FAM135A: variants seen among roughly 807,000 people sequenced by gnomAD.
FAM135A encodes the protein protein FAM135A.
FAM135A carries 79 observed loss-of-function variants against 146.8 expected under a neutral mutation model. The ratio of observed to expected loss-of-function variants is 0.54; its 90% CI spans 0.45 to 0.65. The LOEUF is 0.65. FAM135A is among the 30% of genes least tolerant of loss of function. FAM135A has a pLI of 0.00. For missense variants in FAM135A, 1,623 were observed against 1,758.2 expected (o/e 0.92, Z 1.38); for synonymous variants, 562 against 603.6 (o/e 0.93, Z 1.01).
chr6:70,453,172 A>G (rs1369765156), intron 5 of FAM135A, among the ~76,000 whole-genome samples: 4 of 152,180 alleles, frequency 2.6e-5, no homozygotes, highest in African/African-American at 9.7e-5. Context: ...TTCATTACAT[A>G]TAGTTAGAAA....
At chr6:70,557,773 A>C (rs1801178107) in intron 21 of FAM135A, 1 of 149,114 alleles carries the variant, frequency 6.7e-6, no homozygotes, top group Non-Finnish European at 1.5e-5. Flanking sequence ...AATGAGGCTG[A>C]TTTTAAACTC....
intron 20 of FAM135A, among the ~76,000 whole-genome samples, chr6:70,540,661 C>A (rs948587849): frequency 6.6e-6 from 1 of 152,124 alleles, no homozygotes; most frequent in Non-Finnish European, 1.5e-5. Flanking sequence ...CCCTCCCGTT[C>A]ATGGTTTTAC....
At chr6:70,465,687 C>T (rs1275124189) in intron 5 of FAM135A, among the ~76,000 whole-genome samples, 1 of 152,096 alleles carries the variant, frequency 6.6e-6, no homozygotes, top group African/African-American at 2.4e-5. Context: ...TGTGGCCAGT[C>T]GTTCTATTTT....
chr6:70,436,806 A>G (rs1270917532), intron 4 of FAM135A, among the ~76,000 whole-genome samples: 2 of 152,242 alleles, frequency 1.3e-5, no homozygotes. Flanking sequence ...ATATCCCAAC[A>G]ATCTGCCATT....
intron 5 of FAM135A, among the ~76,000 whole-genome samples, chr6:70,458,787 C>T (rs1778868730): frequency 1.3e-5 from 2 of 152,080 alleles, no homozygotes; most frequent in Admixed American, 6.6e-5. Context: ...GATGCATTTC[C>T]TCCCCAGCAG....
chr6:70,478,671 C>T (rs2128169819), intron 8 of FAM135A, among the ~76,000 whole-genome samples: 1 of 151,884 alleles, frequency 6.6e-6, no homozygotes, highest in East Asian at 1.9e-4. Flanking sequence ...CCTTTTAGAG[C>T]ACCAGGCCAG....
intron 2 of FAM135A, among the ~76,000 whole-genome samples, chr6:70,416,454 AGG>A (rs1391669594): frequency 6.6e-6 from 1 of 152,144 alleles, no homozygotes; most frequent in Non-Finnish European, 1.5e-5. Context: ...AGGGCTGTTT[AGG>A]GGGTAGAAAA....
At chr6:70,469,008 T>C (rs1781042680) in intron 5 of FAM135A, among the ~76,000 whole-genome samples, 1 of 152,218 alleles carries the variant, frequency 6.6e-6, no homozygotes, top group Admixed American at 6.5e-5. Flanking sequence ...ATTGCCTGGC[T>C]TTTCTGTTTA....
chr6:70,467,751 TTC>T (rs1369807150), intron 5 of FAM135A, among the ~76,000 whole-genome samples: 1 of 152,096 alleles, frequency 6.6e-6, no homozygotes. Context: ...CTCTCATCGC[TTC>T]TCTCTTCATT....
intron 16 of FAM135A, among the ~76,000 whole-genome samples, chr6:70,529,203 A>G (rs751190801): frequency 8.6e-5 from 13 of 152,026 alleles, no homozygotes; most frequent in Non-Finnish European, 1.0e-4. Context: ...TATAAAAATT[A>G]AATTATAAAT....
intron 21 of FAM135A, 97 bp from the exon 22 acceptor site, chr6:70,559,619 G>GT: frequency 1.0e-6 from 1 of 992,338 alleles, no homozygotes; most frequent in Non-Finnish European, 1.4e-6. Flanking sequence ...TGGAAATAAT[G>GT]TAACTAAATT....
intron 12 of FAM135A, among the ~76,000 whole-genome samples, chr6:70,510,220 A>G (rs1010166944): frequency 1.1e-4 from 17 of 149,278 alleles, no homozygotes; most frequent in African/African-American, 4.0e-4. Context: ...AACATGATAT[A>G]TATAGGTAAC....
At chr6:70,522,453 A>G (rs775070622) in intron 12 of FAM135A, 60 bp from the exon 13 acceptor site, 81 of 1,465,184 alleles carry the variant, frequency 5.5e-5, no homozygotes, top group Non-Finnish European at 7.4e-5. Context: ...TTACCATAAG[A>G]TGCCGGATTG....
At chr6:70,466,442 T>C (rs925015399) in intron 5 of FAM135A, among the ~76,000 whole-genome samples, 20 of 152,182 alleles carry the variant, frequency 1.3e-4, no homozygotes, top group Non-Finnish European at 8.8e-5. Context: ...CTGTGTAAGA[T>C]AGCATAAATA....
In FAM135A at chr6:70,525,031, C is replaced by G; in HGVS notation, c.1947C>G (p.Thr649=). Residue 649 remains threonine (T), a synonymous_variant, in exon 15 of 22, where the codon ACC becomes ACG. Transcript: ENST00000418814. ...SSDDCHDHQT[T]PSLGVRTIEI... ...ACGATTGCCATGATCATCAAACAAC[C>G]CCATCTTTGGGAGTTAGAACAATTG... 6.3e-7 allele frequency: 1 copy of G among 1,596,636 alleles called. No individual in the cohort carries two copies. The highest frequency in any genetic ancestry group is 8.5e-7 in the Non-Finnish European group (1 of 1,174,178).
chr6:70,433,233 C>A (rs1236000984), intron 4 of FAM135A, among the ~76,000 whole-genome samples: 1 of 152,050 alleles, frequency 6.6e-6, no homozygotes, highest in Non-Finnish European at 1.5e-5. Flanking sequence ...CACTACCACA[C>A]CCAGCTAATT....
At chr6:70,422,835 G>A (rs1769174711) in intron 2 of FAM135A, among the ~76,000 whole-genome samples, 1 of 152,146 alleles carries the variant, frequency 6.6e-6, no homozygotes, top group African/African-American at 2.4e-5. Flanking sequence ...TAGGAATATA[G>A]CAGTGAACAA....
At chr6:70,470,391 G>A (rs1400582317) in intron 5 of FAM135A, among the ~76,000 whole-genome samples, 12 of 152,022 alleles carry the variant, frequency 7.9e-5, no homozygotes. Context: ...GTTTCACCCT[G>A]TTGCCCAAGC....
intron 5 of FAM135A, among the ~76,000 whole-genome samples, chr6:70,459,621 A>G (rs1779022984): frequency 6.6e-6 from 1 of 152,226 alleles, no homozygotes. Flanking sequence ...ACATCCTAGT[A>G]ATGATAGTAT....
Sources: gnomAD v4.1 joint callset for allele counts (sites outside exome capture counted in the v4.1 genomes callset) on GRCh38, gnomAD v4.1.1 for gene constraint, MANE v1.5 for transcripts, NCBI Gene and HGNC (gene_info 2026-07-23, HGNC 2026-07-21) for gene names.